The following XKR4 variants were observed in gnomAD, a reference collection of about 807,000 sequenced individuals.
XKR4 encodes the protein XK-related protein 4.
Under a neutral mutation model 53.9 loss-of-function variants are expected in XKR4, and 12 were observed. The ratio of observed to expected loss-of-function variants is 0.22; its 90% confidence interval spans 0.14 to 0.36. XKR4 has a LOEUF of 0.36. XKR4 is among the 10% of genes least tolerant of loss of function. The probability of loss-of-function intolerance (pLI) is 1.00; values close to 1 mark genes in which losing one functional copy is unlikely to be tolerated. For missense variants in XKR4, 799 were observed against 859.5 expected (o/e 0.93, Z 0.88); for synonymous variants, 354 against 362.4 (o/e 0.98, Z 0.26).
chr8:55,541,932 T>C lies in XKR4; in HGVS notation c.*17705T>C, dbSNP rs563494537. On this transcript the variant is annotated 3_prime_UTR_variant, in exon 3 of 3. Transcript: ENST00000327381. ...CAGTACCATAGTTATTTTGGTCTGT[T>C]AAGTAAGTTGCAATTTGTGATGAAA... 3.3e-5 allele frequency: 5 copies of C among 152,240 alleles called. No individual in the cohort carries two copies. The South Asian group carries it at 1.0e-3, about 32-fold the overall frequency. 9.4% of individuals were successfully genotyped at this position (152,240 alleles called of 1,614,324 possible). A position where few individuals can be genotyped will look rare whatever the true frequency, so the allele number is the denominator to read the frequency against.
At chr8:55,498,861 A>T (rs1479049628) in intron 2 of XKR4, among the ~76,000 whole-genome samples, 1 of 152,172 alleles carries the variant, frequency 6.6e-6, no homozygotes, top group Non-Finnish European at 1.5e-5. Flanking sequence ...TTGCAATGGA[A>T]ATTCATCCAA....
chr8:55,396,617 C>A (rs1012617129), intron 2 of XKR4, among the ~76,000 whole-genome samples: 3 of 152,062 alleles, frequency 2.0e-5, no homozygotes, highest in Non-Finnish European at 4.4e-5. Context: ...TCTCTATCCT[C>A]TGTTTCATTT....
Position 55,526,879 on chromosome 8 carries a change from T to C in XKR4, c.*2652T>C, listed in dbSNP as rs1806888802. ...GGTGAGATTGGCAGTCAGGAGAATG[T>C]AAGGAGGTTGAATTTTTCAGTGATT... On this transcript the variant is annotated 3_prime_UTR_variant, in exon 3 of 3. Transcript: ENST00000327381. 6.6e-6 allele frequency: 1 copy of C among 152,198 alleles called. No homozygotes were observed. The highest frequency in any genetic ancestry group is 2.1e-4 in the South Asian group (1 of 4,824). The allele number at this position is 152,198 out of a possible 1,614,324, so 9.4% of individuals were successfully genotyped here. A position where few individuals can be genotyped will look rare whatever the true frequency, so the allele number is the denominator to read the frequency against.
intron 2 of XKR4, among the ~76,000 whole-genome samples, chr8:55,392,048 A>G (rs1344905647): frequency 6.6e-6 from 1 of 152,238 alleles, no homozygotes; most frequent in Non-Finnish European, 1.5e-5. Context: ...AGTTACAAGC[A>G]TAAGATGAAA....
chr8:55,443,917 T>G (rs1193932190), intron 2 of XKR4, among the ~76,000 whole-genome samples: 1 of 150,868 alleles, frequency 6.6e-6, no homozygotes, highest in Non-Finnish European at 1.5e-5. Flanking sequence ...ACACCTGTAA[T>G]TCCAACACTT....
At chr8:55,281,811 G>T (rs560462713) in intron 1 of XKR4, among the ~76,000 whole-genome samples, 3 of 152,332 alleles carry the variant, frequency 2.0e-5, no homozygotes, top group South Asian at 4.1e-4. Context: ...AGGAAAGACT[G>T]CTTCACAACT....
At position 55,299,550 on chromosome 8, in the gene XKR4, C is replaced by T. The variant is rs142800295; in HGVS notation, c.807-58128C>T. ...CAATGTCTTAAAGATAATTTAGTGA[C>T]GATCTGAGAGCACAGCAGAGTGAGT... On this transcript the variant is annotated intron_variant, in intron 1 of 2. Transcript: ENST00000327381. Among the ~76,000 whole-genome samples, 625 of 152,248 alleles carry T rather than the reference C, an allele frequency of 4.1e-3. 3 individuals carry two copies. The highest frequency in any genetic ancestry group is 0.014 in the African/African-American group (589 of 41,554).
At chr8:55,197,217 C>A (rs958498180) in intron 1 of XKR4, among the ~76,000 whole-genome samples, 1 of 152,144 alleles carries the variant, frequency 6.6e-6, no homozygotes, top group Admixed American at 6.5e-5. Context: ...TCGTCTCAGC[C>A]ATTTCCATAT....
intron 1 of XKR4, among the ~76,000 whole-genome samples, chr8:55,270,464 C>T (rs752923319): frequency 6.6e-6 from 1 of 152,134 alleles, no homozygotes; most frequent in Non-Finnish European, 1.5e-5. Flanking sequence ...TGTGTCAGAC[C>T]CAGCTCTGGA....
At position 55,107,286 on chromosome 8, in the gene XKR4, T is replaced by C. The variant is rs561958449; in HGVS notation, c.806+3992T>C. On this transcript the variant is annotated intron_variant, in intron 1 of 2. Coordinates refer to ENST00000327381, the MANE Select transcript of XKR4 (RefSeq NM_052898.2). ...TCTTAATAGGGTCACCCAACTATTA[T>C]GTAGTGTAGTTAGGATTAAAAACGG... 9.8e-5 allele frequency among the ~76,000 whole-genome samples: 15 copies of C among 152,288 alleles called. No individual in the cohort carries two copies. In the South Asian group the frequency reaches 2.5e-3, roughly 25 times the overall value.
chr8:55,374,096 C>A (rs578153343), intron 2 of XKR4, among the ~76,000 whole-genome samples: 1 of 152,338 alleles, frequency 6.6e-6, no homozygotes, highest in African/African-American at 2.4e-5. Flanking sequence ...AAAATCACTC[C>A]TTGTTCTCAT....
chr8:55,467,519 C>T (rs1805793921), intron 2 of XKR4, among the ~76,000 whole-genome samples: 1 of 151,994 alleles, frequency 6.6e-6, no homozygotes, highest in Non-Finnish European at 1.5e-5. Flanking sequence ...GGACTGGGGG[C>T]CATCTTAGAA....
Position 55,524,003 on chromosome 8 carries a change from C to G in XKR4, c.1729C>G (p.Pro577Ala). ...DGCVPVFQVR[P>A]TAPSTPSSRP... ...GTGTGTACCTGTCTTTCAAGTGAGG[C>G]CCACTGCCCCATCCACCCCATCATC... is the stretch of plus-strand genomic sequence containing the variant. The change falls in exon 3 of 3, where the codon CCC becomes GCC. Residue 577 changes from proline to alanine, a missense_variant. Around this residue, in one of 3 missense-constraint regions of XKR4, gnomAD observed 269 missense variants for 264.4 expected, o/e 1.02. Coordinates refer to ENST00000327381, the MANE Select transcript of XKR4 (RefSeq NM_052898.2). The G allele has an allele frequency of 6.2e-7, 1 of 1,614,126 alleles. No individual in the cohort carries two copies. The highest frequency in any genetic ancestry group is 8.5e-7 in the Non-Finnish European group (1 of 1,180,038).
chr8:55,277,250 C>T (rs1818777131), intron 1 of XKR4, among the ~76,000 whole-genome samples: 1 of 152,144 alleles, frequency 6.6e-6, no homozygotes. Context: ...TTTATAAATC[C>T]ATGATGCTAA....
chr8:55,126,839 A>C (rs1200712192), intron 1 of XKR4, among the ~76,000 whole-genome samples: 1 of 152,240 alleles, frequency 6.6e-6, no homozygotes, highest in Non-Finnish European at 1.5e-5. Context: ...CGATTAGAGA[A>C]TTCAAGTGAC....
chr8:55,321,415 T>C (rs1281424419), intron 1 of XKR4, among the ~76,000 whole-genome samples: 1 of 152,164 alleles, frequency 6.6e-6, no homozygotes, highest in Non-Finnish European at 1.5e-5. Flanking sequence ...CTGCTCAGCC[T>C]ACCCCTCCCA....
At chr8:55,174,145 A>G (rs1010444806) in intron 1 of XKR4, among the ~76,000 whole-genome samples, 7 of 152,038 alleles carry the variant, frequency 4.6e-5, no homozygotes, top group Admixed American at 2.0e-4. Flanking sequence ...TTATATGATC[A>G]TTTAAAAAAA....
rs1421156332 is a variant in XKR4 at position 55,453,844 on chromosome 8, C to T, written c.1007-69437C>T. The T allele has an allele frequency of 1.4e-5, 7 of 516,472 alleles. No individual in the cohort carries two copies. In the Admixed American group the frequency reaches 1.4e-4, roughly 11 times the overall value. The allele number at this position is 516,472 out of a possible 1,614,324, so 32.0% of individuals were successfully genotyped here. Reference sequence around the variant, plus strand: ...CCCACCTCTGTGCCACATCGTGGGCCACCAGCTCATCAAACAGGTCCGTGG... The same window carrying T: ...CCCACCTCTGTGCCACATCGTGGGCTACCAGCTCATCAAACAGGTCCGTGG... On this transcript the variant is annotated intron_variant, in intron 2 of 2. Transcript: ENST00000327381.
intron 1 of XKR4, among the ~76,000 whole-genome samples, chr8:55,111,149 C>G (rs1311368046): frequency 6.6e-6 from 1 of 152,086 alleles, no homozygotes; most frequent in African/African-American, 2.4e-5. Flanking sequence ...GCAGCAGATT[C>G]CAGGCAGGCT....
Sources: gnomAD v4.1 joint callset for allele counts (sites outside exome capture counted in the v4.1 genomes callset) on GRCh38, gnomAD v4.1.1 for gene constraint, gnomAD v4.1.1 regional missense constraint, MANE v1.5 for transcripts, NCBI Gene and HGNC (gene_info 2026-07-23, HGNC 2026-07-21) for gene names.